Variants in CADM1 observed in about 807,000 individuals in gnomAD.
CADM1 encodes the protein TSLC-1.
CADM1 carries 15 observed loss-of-function variants against 53.1 expected under a neutral mutation model. The observed-to-expected ratio is 0.28, with a 90% CI of 0.19 to 0.44. The LOEUF (loss-of-function observed/expected upper bound fraction) is 0.44. Ranked by LOEUF, CADM1 falls within the 20% of genes least tolerant of loss-of-function variation. The pLI is 1.00. For missense variants in CADM1, 434 were observed against 611.3 expected (o/e 0.71, Z 3.06); for synonymous variants, 281 against 243.0 (o/e 1.16, Z -1.45).
At chr11:115,196,519 G>A (rs1565290848) in intron 9 of CADM1, among the ~76,000 whole-genome samples, 1 of 140,642 alleles carries the variant, frequency 7.1e-6, no homozygotes, top group South Asian at 2.3e-4. Flanking sequence ...CAATCTTTTA[G>A]CTTCCCTGGA....
intron 2 of CADM1, among the ~76,000 whole-genome samples, chr11:115,240,027 A>G (rs576349047): frequency 7.2e-5 from 11 of 152,260 alleles, no homozygotes; most frequent in Non-Finnish European, 1.3e-4. Flanking sequence ...CTCGATTGCA[A>G]TTCACCTTGA....
At chr11:115,207,678 G>A (rs182063666) in intron 8 of CADM1, among the ~76,000 whole-genome samples, 25 of 152,260 alleles carry the variant, frequency 1.6e-4, no homozygotes, top group Admixed American at 8.5e-4. Context: ...TATATACCAC[G>A]TGAATAAGGT....
intron 1 of CADM1, among the ~76,000 whole-genome samples, chr11:115,438,291 C>CT: frequency 6.6e-6 from 1 of 152,122 alleles, no homozygotes; most frequent in African/African-American, 2.4e-5. Context: ...GTTTCCAGAT[C>CT]TTTTTTTATT....
At chr11:115,368,337 C>T (rs1033967646) in intron 1 of CADM1, among the ~76,000 whole-genome samples, 2 of 151,978 alleles carry the variant, frequency 1.3e-5, no homozygotes, top group Non-Finnish European at 2.9e-5. Context: ...GGGTTGTTTA[C>T]AATAATGCCC....
chr11:115,217,387 C>T (rs1025824541), intron 6 of CADM1, among the ~76,000 whole-genome samples: 5 of 152,248 alleles, frequency 3.3e-5, no homozygotes, highest in Middle Eastern at 3.4e-3. Flanking sequence ...TCCTTACTAA[C>T]AAAAATATTT....
At chr11:115,355,686 T>G (rs1344131477) in intron 1 of CADM1, among the ~76,000 whole-genome samples, 2 of 148,200 alleles carry the variant, frequency 1.3e-5, no homozygotes, top group Non-Finnish European at 3.0e-5. Context: ...CTAAACAGAT[T>G]TAGCTCAAGT....
intron 1 of CADM1, among the ~76,000 whole-genome samples, chr11:115,490,045 A>C (rs1949457687): frequency 6.6e-6 from 1 of 152,240 alleles, no homozygotes; most frequent in Admixed American, 6.5e-5. Flanking sequence ...AAAGAGGGTA[A>C]GCCTCACCTT....
chr11:115,238,426 A>T, intron 3 of CADM1, 74 bp downstream of exon 3: 1 of 1,476,902 alleles, frequency 6.8e-7, no homozygotes, highest in Non-Finnish European at 9.5e-7. Flanking sequence ...ATTCACCATT[A>T]ACCTTTTCCT....
At chr11:115,370,200 T>G (rs1565391683) in intron 1 of CADM1, among the ~76,000 whole-genome samples, 1 of 152,196 alleles carries the variant, frequency 6.6e-6, no homozygotes. Context: ...TTCCTTATAT[T>G]ACCACAGAGA....
intron 10 of CADM1, among the ~76,000 whole-genome samples, chr11:115,181,364 C>A (rs1268158142): frequency 2.0e-5 from 3 of 152,132 alleles, no homozygotes; most frequent in African/African-American, 7.2e-5. Context: ...GCACTTTGCC[C>A]AAATTAAACT....
At chr11:115,203,114 T>G (rs1940512886) in intron 8 of CADM1, among the ~76,000 whole-genome samples, 1 of 152,110 alleles carries the variant, frequency 6.6e-6, no homozygotes, top group African/African-American at 2.4e-5. Context: ...GTGAAGAGAT[T>G]GTGTGCTACA....
chr11:115,475,849 G>T (rs936850821), intron 1 of CADM1, among the ~76,000 whole-genome samples: 1 of 152,156 alleles, frequency 6.6e-6, no homozygotes, highest in Non-Finnish European at 1.5e-5. Context: ...ATTGACTGTG[G>T]TAATCATACC....
chr11:115,450,352 C>T (rs951829305), intron 1 of CADM1, among the ~76,000 whole-genome samples: 16 of 152,152 alleles, frequency 1.1e-4, no homozygotes, highest in African/African-American at 3.4e-4. Context: ...ACTTCCAGGC[C>T]TCCCACAGTT....
rs370379755 is a variant in CADM1 at position 115,257,090 on chromosome 11, C to T, written c.125-16670G>A. Among the ~76,000 whole-genome samples, 15 of 152,208 alleles carry T rather than the reference C, an allele frequency of 9.9e-5. No homozygotes were observed. In the South Asian group the frequency reaches 1.2e-3, roughly 13 times the overall value. On this transcript the variant is annotated intron_variant, in intron 1 of 11. Coordinates refer to ENST00000331581, the MANE Select transcript of CADM1 (RefSeq NM_001301043.2). ...CACCAACAATTGAGGCACTTTATTA[C>T]GACTACTTTTCATGTATAAGATGCC...
chr11:115,176,155 G>C lies in CADM1; in HGVS notation c.*319C>G. 1 of 1,173,778 alleles carries C rather than the reference G, an allele frequency of 8.5e-7. No homozygotes were observed. Among genetic ancestry groups the C allele is most frequent in the Non-Finnish European group, 1.1e-6 (1 of 936,736 alleles). The allele number at this position is 1,173,778 out of a possible 1,614,324, so 72.7% of individuals were successfully genotyped here. A position where few individuals can be genotyped will look rare whatever the true frequency, so the allele number is the denominator to read the frequency against. Reference sequence around the variant, plus strand: ...GCACAAAGGGGGAAAAGAAAGGAACGCAACAAACAAACAAAAAACAAGGCA... The same window carrying C: ...GCACAAAGGGGGAAAAGAAAGGAACCCAACAAACAAACAAAAAACAAGGCA... On this transcript the variant is annotated 3_prime_UTR_variant, in exon 12 of 12. Coordinates refer to ENST00000331581, the MANE Select transcript of CADM1 (RefSeq NM_001301043.2).
chr11:115,310,693 G>A (rs534923902), intron 1 of CADM1, among the ~76,000 whole-genome samples: 1 of 152,156 alleles, frequency 6.6e-6, no homozygotes, highest in Admixed American at 6.6e-5. Context: ...CCGCAGCTGT[G>A]TTCCAGGTAG....
chr11:115,282,119 G>C (rs187393941), intron 1 of CADM1, among the ~76,000 whole-genome samples: 124 of 152,246 alleles, frequency 8.1e-4, no homozygotes, highest in Middle Eastern at 3.4e-3. Context: ...AAGAATTACT[G>C]AATAAGTAAT....
At chr11:115,348,699 C>T (rs962087886) in intron 1 of CADM1, among the ~76,000 whole-genome samples, 6 of 152,106 alleles carry the variant, frequency 3.9e-5, no homozygotes, top group African/African-American at 4.8e-5. Context: ...GACGCAAGGC[C>T]CTTTCCAATC....
intron 1 of CADM1, among the ~76,000 whole-genome samples, chr11:115,294,163 C>G (rs1052528601): frequency 1.3e-5 from 2 of 152,158 alleles, no homozygotes; most frequent in African/African-American, 2.4e-5. Context: ...GCCTGCCTCT[C>G]CAGACGTAGC....
Sources: allele counts gnomAD v4.1 joint callset (sites outside exome capture counted in the v4.1 genomes callset), GRCh38; gene constraint gnomAD v4.1.1; transcripts MANE v1.5; gene names NCBI Gene and HGNC (gene_info 2026-07-23, HGNC 2026-07-21).